The following GNL3L variants were observed in gnomAD, a reference collection of about 807,000 sequenced individuals.
GNL3L encodes guanine nucleotide-binding protein-like 3-like protein.
GNL3L carries 4 observed loss-of-function variants against 42.9 expected under a neutral mutation model. The ratio of observed to expected loss-of-function variants is 0.09; its 90% confidence interval spans 0.05 to 0.21. The LOEUF is 0.21. GNL3L is among the 10% of genes least tolerant of loss of function. The pLI is 1.00. For synonymous variants in GNL3L, 159 were observed against 176.3 expected (o/e 0.90, Z 0.78); for missense variants, 412 against 481.7 (o/e 0.86, Z 1.36).
At chrX:54,571,962 T>G (rs1469430887), downstream of GNL3L, among the ~76,000 whole-genome samples, 1 of 109,722 alleles carries the variant, frequency 9.1e-6, no homozygotes, top group Admixed American at 9.8e-5. Context: ...TTTTTCTCTC[T>G]GTGTTTTATT....
At chrX:54,593,137 T>G (rs1036831527) in intron 16 of GNL3L, among the ~76,000 whole-genome samples, 1 of 111,983 alleles carries the variant, frequency 8.9e-6, no homozygotes, top group Non-Finnish European at 1.9e-5. Context: ...ACTAGCTTAA[T>G]AGAATGAGTT....
At chrX:54,623,147 T>A (rs758235669), downstream of GNL3L, among the ~76,000 whole-genome samples, 1 of 112,515 alleles carries the variant, frequency 8.9e-6, no homozygotes, top group African/African-American at 3.2e-5. Flanking sequence ...TCAGGAAGTA[T>A]GAGTCCTCCA....
downstream of GNL3L, among the ~76,000 whole-genome samples, chrX:54,567,703 G>T (rs1296427753): frequency 9.1e-6 from 1 of 110,027 alleles, no homozygotes; most frequent in Non-Finnish European, 1.9e-5. Context: ...TCTGACTTTG[G>T]GGGAGAGTAT....
At chrX:54,590,771 T>G (rs1181152200) in intron 16 of GNL3L, among the ~76,000 whole-genome samples, 1 of 111,344 alleles carries the variant, frequency 9.0e-6, no homozygotes, top group Non-Finnish European at 1.9e-5. Context: ...ATGTATTTAT[T>G]TATTTATTTA....
intron 16 of GNL3L, among the ~76,000 whole-genome samples, chrX:54,578,917 A>T (rs1050766586): frequency 1.8e-5 from 2 of 112,118 alleles, no homozygotes; most frequent in East Asian, 5.6e-4. Flanking sequence ...ACCCATTTTA[A>T]TAGTTCTGTA....
downstream of GNL3L, among the ~76,000 whole-genome samples, chrX:54,626,399 A>G (rs1926364583): frequency 8.9e-6 from 1 of 112,094 alleles, no homozygotes; most frequent in Admixed American, 9.5e-5. Flanking sequence ...TATTGTGTAT[A>G]TATACCATGT....
At chrX:54,601,711 A>G (rs780587547) in intron 16 of GNL3L, among the ~76,000 whole-genome samples, 2 of 112,166 alleles carry the variant, frequency 1.8e-5, no homozygotes, top group Admixed American at 9.4e-5. Context: ...CAGGATACAG[A>G]ACAGTACTAT....
At chrX:54,607,008 CTTTCTTTCTTTCTTT>C (rs1926075584) in intron 16 of GNL3L, among the ~76,000 whole-genome samples, 2 of 37,435 alleles carry the variant, frequency 5.3e-5, no homozygotes, top group Non-Finnish European at 1.0e-4. Flanking sequence ...TTCTTTCTTT[CTTTCTTTCTTTCTTT>C]CTTTCTTTCT....
At chrX:54,620,922 G>A (rs994434756) in exon 17 of GNL3L, among the ~76,000 whole-genome samples, 1 of 112,426 alleles carries the variant, frequency 8.9e-6, no homozygotes, top group African/African-American at 3.2e-5. Flanking sequence ...AAAGCATAAA[G>A]TGGACCTTCC....
At chrX:54,614,856 T>A (rs1158947725) in intron 16 of GNL3L, among the ~76,000 whole-genome samples, 1 of 111,214 alleles carries the variant, frequency 9.0e-6, no homozygotes, top group Non-Finnish European at 1.9e-5. Flanking sequence ...TTGCAGTTGA[T>A]CTGGAGCTGA....
At chrX:54,590,763 G>T (rs5960320) in intron 16 of GNL3L, among the ~76,000 whole-genome samples, 15,105 of 110,523 alleles carry the variant, frequency 0.14, 1,609 homozygotes, top group African/African-American at 0.36. Context: ...TTAGATTTAT[G>T]TATTTATTTA....
chrX:54,615,713 T>A (rs1926213358), intron 16 of GNL3L, among the ~76,000 whole-genome samples: 5 of 109,494 alleles, frequency 4.6e-5, no homozygotes, highest in Non-Finnish European at 9.5e-5. Flanking sequence ...GCTTTTTTTT[T>A]TTTTTCCCTA....
intron 16 of GNL3L, among the ~76,000 whole-genome samples, chrX:54,611,107 C>T (rs913341315): frequency 9.0e-6 from 1 of 111,120 alleles, no homozygotes; most frequent in African/African-American, 3.3e-5. Flanking sequence ...TTATCCACCT[C>T]TTCTAGGTTT....
chrX:54,610,240 G>T (rs191598331), intron 16 of GNL3L, among the ~76,000 whole-genome samples: 71 of 111,399 alleles, frequency 6.4e-4, no homozygotes, highest in African/African-American at 2.3e-3. Flanking sequence ...TCAGTTCTAG[G>T]AGCTTTCTGG....
chrX:54,549,339 G>T (rs1924863117), intron 9 of GNL3L, among the ~76,000 whole-genome samples: 1 of 111,255 alleles, frequency 9.0e-6, no homozygotes, highest in Non-Finnish European at 1.9e-5. Flanking sequence ...CAGTCAAAAT[G>T]CATGTAGACC....
chrX:54,634,967 T>G, the GNL3L span, among the ~76,000 whole-genome samples: 1 of 108,364 alleles, frequency 9.2e-6, no homozygotes, highest in Non-Finnish European at 1.9e-5. Context: ...AATTTTTGTA[T>G]TTTTAGTAGA....
downstream of GNL3L, among the ~76,000 whole-genome samples, chrX:54,626,296 C>A (rs1377282137): frequency 9.0e-5 from 10 of 111,727 alleles, no homozygotes; most frequent in African/African-American, 3.2e-4. Context: ...TCGTTCTATG[C>A]CTGACTTATG....
chrX:54,579,161 G>A (rs779789651), intron 16 of GNL3L, among the ~76,000 whole-genome samples: 83 of 111,302 alleles, frequency 7.5e-4, no homozygotes, highest in African/African-American at 2.7e-3. Context: ...CTATAAGTCC[G>A]TGGCTTGCTT....
chrX:54,544,471 T>G, intron 8 of GNL3L, 145 bp downstream of exon 8: 1 of 108,865 alleles, frequency 9.2e-6, no homozygotes, highest in Non-Finnish European at 1.9e-5. Context: ...ACCGAGTGAC[T>G]TTTTTTTTTT....
Sources: gnomAD v4.1 joint callset for allele counts (sites outside exome capture counted in the v4.1 genomes callset) on GRCh38, gnomAD v4.1.1 for gene constraint, MANE v1.5 for transcripts, NCBI Gene and HGNC (gene_info 2026-07-23, HGNC 2026-07-21) for gene names.